NME7: variants seen among roughly 807,000 people sequenced by gnomAD.
NME7 encodes nucleoside diphosphate kinase 7.
In NME7, 41 loss-of-function variants were observed where a neutral mutation model predicts 49.1. The ratio of observed to expected loss-of-function variants is 0.83; its 90% CI spans 0.65 to 1.08. The LOEUF is 1.08. Ranked by LOEUF, NME7 falls within the 50% of genes least tolerant of loss-of-function variation. The pLI, the probability that NME7 is intolerant of heterozygous loss-of-function variation, is 0.00. For synonymous variants in NME7, 139 were observed against 150.6 expected (o/e 0.92, Z 0.56); for missense variants, 423 against 463.4 (o/e 0.91, Z 0.80).
intron 6 of NME7, among the ~76,000 whole-genome samples, chr1:169,288,391 C>T (rs1475021075): frequency 6.6e-6 from 1 of 152,056 alleles, no homozygotes. Flanking sequence ...GTCCTGCAGT[C>T]AGCCCTGTGG....
chr1:169,227,968 A>G (rs1557997123), intron 10 of NME7, among the ~76,000 whole-genome samples: 1 of 151,650 alleles, frequency 6.6e-6, no homozygotes, highest in East Asian at 2.0e-4. Context: ...GGCTTATATT[A>G]TATCAACTTT....
chr1:169,266,152 C>G (rs1649314174), intron 7 of NME7, among the ~76,000 whole-genome samples: 2 of 132,176 alleles, frequency 1.5e-5, no homozygotes, highest in Admixed American at 1.5e-4. Context: ...ATGACAGAGA[C>G]ACAACAAAAA....
intron 6 of NME7, among the ~76,000 whole-genome samples, chr1:169,288,181 C>A (rs1650352874): frequency 1.3e-5 from 2 of 152,154 alleles, no homozygotes; most frequent in South Asian, 4.1e-4. Flanking sequence ...TTCCGGCAAC[C>A]TTTGTTCCCC....
chr1:169,232,591 G>A (rs570621572), intron 9 of NME7, among the ~76,000 whole-genome samples: 1 of 151,912 alleles, frequency 6.6e-6, no homozygotes, highest in Non-Finnish European at 1.5e-5. Context: ...TTATATAACA[G>A]TGGGAAAAAG....
rs189032632 is a variant in NME7, at chr1:169,330,343, A to C, written c.4-5843T>G. On this transcript the variant is annotated intron_variant, in intron 1 of 11. Transcript: ENST00000367811. Reference sequence around the variant, plus strand: ...GGCGTATAGAGAAATGCAAATCAAAACCACAATGTGGTACCATCTCACACC... The same window carrying C: ...GGCGTATAGAGAAATGCAAATCAAACCCACAATGTGGTACCATCTCACACC... Among the ~76,000 whole-genome samples the C allele has an allele frequency of 7.2e-3, 1,101 of 152,274 alleles. 3 individuals are homozygous for C. The highest frequency in any genetic ancestry group is 0.013 in the Non-Finnish European group (891 of 68,020).
intron 11 of NME7, 114 bp downstream of exon 11, chr1:169,169,333 T>C (rs1399283508): frequency 9.1e-6 from 8 of 875,568 alleles, no homozygotes; most frequent in Non-Finnish European, 1.4e-5. Context: ...TCTGCACATG[T>C]AACCTAGAAC....
intron 1 of NME7, among the ~76,000 whole-genome samples, chr1:169,366,502 TGAAGA>T (rs1653859896): frequency 6.6e-6 from 1 of 151,996 alleles, no homozygotes; most frequent in Admixed American, 6.6e-5. Context: ...ACTTGAGCAC[TGAAGA>T]GAAGAAACTG....
chr1:169,276,948 C>T (rs1242615149), intron 7 of NME7, among the ~76,000 whole-genome samples: 2 of 150,208 alleles, frequency 1.3e-5, no homozygotes, highest in African/African-American at 4.9e-5. Flanking sequence ...GTTATGTACC[C>T]AGTAGTCATT....
intron 10 of NME7, among the ~76,000 whole-genome samples, chr1:169,228,570 G>A (rs1230287436): frequency 1.1e-4 from 17 of 150,902 alleles, no homozygotes; most frequent in Middle Eastern, 3.4e-3. Flanking sequence ...CCAGCTACTC[G>A]GGAGGCTGAG....
intron 10 of NME7, among the ~76,000 whole-genome samples, chr1:169,169,891 A>G (rs1425759556): frequency 6.6e-6 from 1 of 152,194 alleles, no homozygotes; most frequent in African/African-American, 2.4e-5. Flanking sequence ...AAAAGCTTTT[A>G]AAAAAATGTT....
chr1:169,143,697 G>A (rs1446674825), intron 11 of NME7, among the ~76,000 whole-genome samples: 3 of 152,186 alleles, frequency 2.0e-5, no homozygotes. Context: ...AATGTTCAAT[G>A]AATGAATTTA....
At chr1:169,211,648 T>TTA in intron 10 of NME7, among the ~76,000 whole-genome samples, 2 of 152,232 alleles carry the variant, frequency 1.3e-5, no homozygotes, top group Admixed American at 1.3e-4. Flanking sequence ...TATGATATAA[T>TTA]GGTTAAAGGC....
chr1:169,287,355 A>G lies in NME7; in HGVS notation c.702T>C (p.Ala234=), dbSNP rs1310901553. 6.2e-7 allele frequency: 1 copy of G among 1,610,932 alleles called. No homozygotes were observed. The highest frequency in any genetic ancestry group is 1.3e-5 in the African/African-American group (1 of 74,808). Residue 234 remains alanine, a synonymous_variant, in exon 7 of 12, where the codon GCT becomes GCC. Transcript: ENST00000367811. The part of the protein sequence containing the change: ...SSGGCGPANT[A]KFTNCTCCIV... ...TGCAACAGGTACAATTAGTAAATTT[A>G]GCAGTGTTTGCCGGCCCACAACCTC... is the stretch of plus-strand genomic sequence containing the variant.
chr1:169,360,506 A>G (rs559252359), intron 1 of NME7, among the ~76,000 whole-genome samples: 2 of 152,332 alleles, frequency 1.3e-5, no homozygotes, highest in East Asian at 1.9e-4. Flanking sequence ...CCCAAGTTCC[A>G]TAAGTCTCAG....
chr1:169,176,193 G>C (rs1387275966), intron 10 of NME7, among the ~76,000 whole-genome samples: 1 of 152,102 alleles, frequency 6.6e-6, no homozygotes, highest in African/African-American at 2.4e-5. Context: ...ATGAAAGATG[G>C]GGAAGGAATT....
chr1:169,137,987 G>A (rs764511815), intron 11 of NME7, among the ~76,000 whole-genome samples: 50 of 152,262 alleles, frequency 3.3e-4, no homozygotes, highest in African/African-American at 9.9e-4. Flanking sequence ...TATCTTCTCC[G>A]TAGGTTTAGT....
At chr1:169,348,762 C>A (rs1028799490) in intron 1 of NME7, among the ~76,000 whole-genome samples, 13 of 151,892 alleles carry the variant, frequency 8.6e-5, no homozygotes, top group Admixed American at 7.2e-4. Context: ...TTTTGCAGAG[C>A]CCTAGTCAAG....
intron 9 of NME7, among the ~76,000 whole-genome samples, chr1:169,232,104 T>C (rs998406069): frequency 6.6e-6 from 1 of 152,114 alleles, no homozygotes; most frequent in African/African-American, 2.4e-5. Context: ...AAATATAAAC[T>C]TGGTGAGGAG....
chr1:169,220,113 A>G (rs1661097052), intron 10 of NME7, among the ~76,000 whole-genome samples: 1 of 152,114 alleles, frequency 6.6e-6, no homozygotes, highest in South Asian at 2.1e-4. Flanking sequence ...TTCAACCCAT[A>G]TGTTGTTTTG....
Sources: allele counts gnomAD v4.1 joint callset (sites outside exome capture counted in the v4.1 genomes callset), GRCh38; gene constraint gnomAD v4.1.1; transcripts MANE v1.5; gene names NCBI Gene and HGNC (gene_info 2026-07-23, HGNC 2026-07-21).